Variants in ZC3H4 observed in about 807,000 individuals in gnomAD.
ZC3H4 encodes the protein zinc finger CCCH domain-containing protein 4.
A neutral mutation model predicts 108.3 loss-of-function variants in ZC3H4; 13 were observed. The ratio of observed to expected loss-of-function variants is 0.12; its 90% CI spans 0.08 to 0.19. The LOEUF (loss-of-function observed/expected upper bound fraction) is 0.19. ZC3H4 is among the 10% of genes least tolerant of loss of function. The pLI, the probability that ZC3H4 is intolerant of heterozygous loss-of-function variation, is 1.00. For synonymous variants in ZC3H4, 917 were observed against 749.6 expected (o/e 1.22, Z -3.65); for missense variants, 1,734 against 1,838.8 (o/e 0.94, Z 1.04).
At chr19:47,103,312 A>C (rs1336368240) in intron 2 of ZC3H4, among the ~76,000 whole-genome samples, 1 of 152,060 alleles carries the variant, frequency 6.6e-6, no homozygotes, top group African/African-American at 2.4e-5. Context: ...TTATTTATTT[A>C]TTTATTTCTA....
chr19:47,072,172 G>A lies in ZC3H4; in HGVS notation c.1803-51C>T, dbSNP rs1202870440. ...ACGGAAGCTGCCGAGGAGGGCAGTG[G>A]CCACACCCCAGAGGAGAGGCGGAGG... is the stretch of plus-strand genomic sequence containing the variant. On this transcript the variant is annotated intron_variant, in intron 12 of 14. Transcript: ENST00000253048. This position sits in a 1 kb window ranked among gnomAD's most constrained non-coding sequence, Gnocchi z 5.6. 6.8e-7 allele frequency: 1 copy of A among 1,467,196 alleles called. No individual in the cohort carries two copies. Among genetic ancestry groups the A allele is most frequent in the Admixed American group, 2.5e-5 (1 of 39,228 alleles). 90.9% of individuals were successfully genotyped at this position (1,467,196 alleles called of 1,614,324 possible). A position where few individuals can be genotyped will look rare whatever the true frequency, so the allele number is the denominator to read the frequency against.
chr19:47,105,675 T>G (rs1458205971), intron 2 of ZC3H4, among the ~76,000 whole-genome samples: 2 of 152,212 alleles, frequency 1.3e-5, no homozygotes, highest in Non-Finnish European at 2.9e-5. Context: ...CCGAGAATCA[T>G]AGTTTGCCGA....
At position 47,084,408 on chromosome 19, in the gene ZC3H4, G is replaced by A; in HGVS notation, c.1155C>T (p.His385=). The change falls in exon 9 of 15, where the codon CAC becomes CAT. Residue 385 remains histidine, a synonymous_variant. Transcript: ENST00000253048. ...CTTTGCCTTTCTTGTCCGACTGCTG[G>A]TGGGGCTTGTCATGGTCACGACTCC... The part of the protein sequence containing the change: ...SYRSRDHDKP[H]QQSDKKGKVI... The A allele has an allele frequency of 6.2e-7, 1 of 1,614,224 alleles. No individual in the cohort carries two copies. Among genetic ancestry groups the A allele is most frequent in the Non-Finnish European group, 8.5e-7 (1 of 1,180,048 alleles).
intron 7 of ZC3H4, 28 bp from the exon 8 acceptor site, chr19:47,085,223 T>G: frequency 6.3e-7 from 1 of 1,588,646 alleles, no homozygotes; most frequent in Non-Finnish European, 8.6e-7. Context: ...TGTGAAGACC[T>G]GCTGACCACC....
Position 47,066,725 on chromosome 19 carries a change from C to A in ZC3H4, c.3543G>T (p.Ser1181=), listed in dbSNP as rs544218505. The A allele has an allele frequency of 6.2e-7, 1 of 1,606,822 alleles. No homozygotes were observed. Reference sequence around the variant, plus strand: ...ACGGGGGCTCCTTAGCCTTGGAGGCCGAGCTCTTGCCATTGCCCTCAGCAC... The same window carrying A: ...ACGGGGGCTCCTTAGCCTTGGAGGCAGAGCTCTTGCCATTGCCCTCAGCAC... ...PKGAEGNGKS[S]ASKAKEPPFV... The change falls in exon 15 of 15, where the codon TCG becomes TCT. Residue 1181 remains serine, a synonymous_variant. Transcript: ENST00000253048.
At chr19:47,082,606 C>G (rs1241961094) in intron 9 of ZC3H4, among the ~76,000 whole-genome samples, 1 of 152,182 alleles carries the variant, frequency 6.6e-6, no homozygotes, top group Non-Finnish European at 1.5e-5. Flanking sequence ...AGCCACCAAG[C>G]CTGGGTACTT....
chr19:47,084,124 A>G (rs1409964392), intron 9 of ZC3H4, among the ~76,000 whole-genome samples: 1 of 152,062 alleles, frequency 6.6e-6, no homozygotes, highest in African/African-American at 2.4e-5. Context: ...TTCCCCTAAA[A>G]CCAAAAGTCC....
chr19:47,075,476 C>G (rs1216158000), intron 11 of ZC3H4, among the ~76,000 whole-genome samples: 1 of 152,150 alleles, frequency 6.6e-6, no homozygotes, highest in African/African-American at 2.4e-5. Context: ...TCAGTCCCCA[C>G]TGCCGCACAT....
At chr19:47,071,076 A>G (rs749910671) in intron 13 of ZC3H4, among the ~76,000 whole-genome samples, 5 of 152,112 alleles carry the variant, frequency 3.3e-5, no homozygotes, top group Admixed American at 6.5e-5. Context: ...TTTTGTGACT[A>G]TCCCCACTGA....
intron 4 of ZC3H4, among the ~76,000 whole-genome samples, chr19:47,092,066 T>C (rs2122971011): frequency 6.6e-6 from 1 of 151,780 alleles, no homozygotes; most frequent in Non-Finnish European, 1.5e-5. Context: ...AAAATTAGCC[T>C]TGGCGTTATG....
At chr19:47,096,741 C>T in intron 2 of ZC3H4, 1 of 927,248 alleles carries the variant, frequency 1.1e-6, no homozygotes, top group Non-Finnish European at 1.3e-6. Context: ...CTGAGAGGGA[C>T]ATGATCACCA....
In ZC3H4 at chr19:47,067,548, G is replaced by T. The variant is rs757300383; in HGVS notation, c.2720C>A (p.Ser907Tyr). Residue 907 changes from serine to tyrosine, a missense_variant, in exon 15 of 15, where the codon TCC (serine) becomes TAC (tyrosine). Physicochemically the swap from Ser to Tyr is moderately radical, Grantham distance 144. Coordinates refer to ENST00000253048, the MANE Select transcript of ZC3H4 (RefSeq NM_015168.2). The surrounding 1 kb of genome is among the most constrained non-coding windows in gnomAD (Gnocchi z 6.4). ...GGAACTGCTGGGGCCCACAGGGCTG[G>T]AATGAAGGCTGCCTTCGGGCTTGGA... ...PTSKPEGSLH[S>Y]SPVGPSSSKG... 3.2e-5 allele frequency: 51 copies of T among 1,601,064 alleles called. No homozygotes were observed. The highest frequency in any genetic ancestry group is 2.2e-5 in the East Asian group (1 of 44,772).
intron 2 of ZC3H4, chr19:47,096,885 G>C: frequency 1.0e-6 from 1 of 985,400 alleles, no homozygotes; most frequent in Non-Finnish European, 1.2e-6. Context: ...GCCGGAGTGG[G>C]TGGCAGCCTC....
intron 11 of ZC3H4, among the ~76,000 whole-genome samples, chr19:47,077,267 G>C (rs1218763232): frequency 6.6e-6 from 1 of 151,846 alleles, no homozygotes; most frequent in Non-Finnish European, 1.5e-5. Flanking sequence ...TCAGGTGTTC[G>C]AGACCAGCCT....
In ZC3H4 at chr19:47,069,140, C is replaced by T. The variant is rs2057277475; in HGVS notation, c.2350G>A (p.Ala784Thr). The T allele has an allele frequency of 6.2e-7, 1 of 1,606,534 alleles. No homozygotes were observed. The highest frequency in any genetic ancestry group is 1.3e-5 in the African/African-American group (1 of 75,032). ...TTGCTGCTCTCAGCCAGCCTCCTCG[C>T]TCTCTCCTCCTCCTCCTGCTGCTTC... The part of the protein sequence containing the change: ...QQKQQEEEER[A>T]RRLAESSKQD... Residue 784 changes from alanine to threonine, a missense_variant, in exon 14 of 15, where the codon GCG (alanine) becomes ACG (threonine). Ala to Thr is a moderately conservative substitution (Grantham distance 58). This residue lies in a region of ZC3H4 where 540 missense variants were observed against 484.1 expected (regional missense o/e 1.12). Transcript: ENST00000253048.
chr19:47,103,640 C>T (rs1478655306), intron 2 of ZC3H4, among the ~76,000 whole-genome samples: 1 of 151,498 alleles, frequency 6.6e-6, no homozygotes, highest in Non-Finnish European at 1.5e-5. Context: ...AAAAATCAGC[C>T]CGTTGGCCGG....
At chr19:47,086,590 A>G (rs1317729776) in intron 5 of ZC3H4, 52 bp from the exon 6 acceptor site, 3 of 1,517,546 alleles carry the variant, frequency 2.0e-6, no homozygotes, top group Non-Finnish European at 2.6e-6. Flanking sequence ...TGCCACCAGC[A>G]AGAAAGAAGA....
intron 8 of ZC3H4, 59 bp downstream of exon 8, chr19:47,084,997 G>C (rs1224633336): frequency 1.2e-6 from 2 of 1,600,934 alleles, no homozygotes; most frequent in Non-Finnish European, 8.5e-7. Context: ...TCATTAAAGG[G>C]AAAAAGGACT....
intron 1 of ZC3H4, among the ~76,000 whole-genome samples, chr19:47,113,072 C>T (rs917026899): frequency 2.6e-5 from 4 of 152,256 alleles, no homozygotes; most frequent in Non-Finnish European, 5.9e-5. Context: ...GCCCTGGGTG[C>T]CCCGGCTGCC....
Sources: gnomAD v4.1 joint callset for allele counts (sites outside exome capture counted in the v4.1 genomes callset) on GRCh38, gnomAD v4.1.1 for gene constraint, gnomAD v4.1.1 regional missense constraint, Gnocchi (gnomAD v3.1) non-coding constraint, MANE v1.5 for transcripts, NCBI Gene and HGNC (gene_info 2026-07-23, HGNC 2026-07-21) for gene names.